Variants in SMAP2 observed in about 807,000 individuals in gnomAD.
SMAP2 encodes the protein small ArfGAP2.
SMAP2 carries 25 observed loss-of-function variants against 56.4 expected under a neutral mutation model. The ratio of observed to expected loss-of-function variants is 0.44; its 90% confidence interval spans 0.32 to 0.62. The LOEUF (loss-of-function observed/expected upper bound fraction) is 0.62. Among genes scored for constraint, SMAP2 ranks in the 20% least tolerant of loss-of-function variants. The probability of loss-of-function intolerance (pLI) is 0.04; values close to 1 mark genes in which losing one functional copy is unlikely to be tolerated. For synonymous variants in SMAP2, 157 were observed against 181.7 expected (o/e 0.86, Z 1.09); for missense variants, 388 against 545.6 (o/e 0.71, Z 2.88).
At chr1:40,404,165 T>C (rs914911252) in intron 1 of SMAP2, among the ~76,000 whole-genome samples, 19 of 152,208 alleles carry the variant, frequency 1.2e-4, no homozygotes, top group African/African-American at 4.6e-4. Context: ...ATAAGTAACA[T>C]TTGTCTCTTT....
chr1:40,382,205 C>T (rs1215529754), intron 1 of SMAP2, among the ~76,000 whole-genome samples: 1 of 152,126 alleles, frequency 6.6e-6, no homozygotes, highest in African/African-American at 2.4e-5. Context: ...AACTGTTCAT[C>T]ACATGAGTCA....
Position 40,408,657 on chromosome 1 carries a change from T to C in SMAP2, c.242T>C (p.Met81Thr). Reference protein sequence around the residue: ...DQWTQEQIQCMQEMGNGKANR... With the variant: ...DQWTQEQIQCTQEMGNGKANR... Reference sequence around the variant, plus strand: ...CTACATTCTCTTTGGTCACAGTGCATGCAAGAGATGGGAAATGGAAAGGCA... The same window carrying C: ...CTACATTCTCTTTGGTCACAGTGCACGCAAGAGATGGGAAATGGAAAGGCA... The change falls in exon 3 of 10, where the codon ATG (methionine) becomes ACG (threonine). Residue 81 changes from methionine (M) to threonine (T), a missense_variant. Met to Thr is a moderately conservative substitution (Grantham distance 81). Transcript: ENST00000372718. The surrounding 1 kb of genome is among the most constrained non-coding windows in gnomAD (Gnocchi z 4.3). 1 of 1,613,572 alleles carries C rather than the reference T, an allele frequency of 6.2e-7. No homozygotes were observed. Among genetic ancestry groups the C allele is most frequent in the Non-Finnish European group, 8.5e-7 (1 of 1,179,492 alleles).
chr1:40,410,101 G>C (rs983415421), intron 4 of SMAP2, among the ~76,000 whole-genome samples: 1 of 151,868 alleles, frequency 6.6e-6, no homozygotes, highest in African/African-American at 2.4e-5. Flanking sequence ...AAATTAGCCA[G>C]GCATGGTGGT....
At chr1:40,370,856 TAA>T (rs57519270), upstream of SMAP2, among the ~76,000 whole-genome samples, 59,931 of 132,286 alleles carry the variant, frequency 0.45, 12,811 homozygotes, top group African/African-American at 0.54. Context: ...TAAAGTATAA[TAA>T]AAAAAAAAAA....
intron 1 of SMAP2, among the ~76,000 whole-genome samples, chr1:40,350,343 C>A (rs1217155962): frequency 1.3e-5 from 2 of 152,164 alleles, no homozygotes; most frequent in Non-Finnish European, 2.9e-5. Context: ...ATCAGACCCA[C>A]CAGATCTTGT....
chr1:40,413,024 A>G lies in SMAP2; in HGVS notation c.411A>G (p.Lys137=). Residue 137 remains lysine, a synonymous_variant, in exon 5 of 10, where the codon AAA becomes AAG. Coordinates refer to ENST00000372718, the MANE Select transcript of SMAP2 (RefSeq NM_022733.3). ...SLDINAFRKE[K]DDKWKRGSEP... ...TTGTTAAATCATTATAGAAAGAAAAAGATGACAAGTGGAAAAGAGGGAGCG... is the reference window on the plus strand; with the variant it reads ...TTGTTAAATCATTATAGAAAGAAAAGGATGACAAGTGGAAAAGAGGGAGCG... 1 of 1,609,276 alleles carries G rather than the reference A, an allele frequency of 6.2e-7. No individual in the cohort carries two copies. The highest frequency in any genetic ancestry group is 8.5e-7 in the Non-Finnish European group (1 of 1,178,048).
chr1:40,409,688 A>T, intron 3 of SMAP2, 69 bp from the exon 4 acceptor site: 1 of 1,090,344 alleles, frequency 9.2e-7, no homozygotes, highest in Non-Finnish European at 1.4e-6. Flanking sequence ...TCCGTGGAAC[A>T]CAATTGATCT....
intron 1 of SMAP2, among the ~76,000 whole-genome samples, chr1:40,397,057 C>A (rs114884194): frequency 2.5e-3 from 387 of 152,260 alleles, no homozygotes; most frequent in African/African-American, 8.5e-3. Context: ...TTGCATTTAA[C>A]CAGTTTTCAG....
At chr1:40,392,893 A>T (rs2124280455) in intron 1 of SMAP2, among the ~76,000 whole-genome samples, 1 of 152,110 alleles carries the variant, frequency 6.6e-6, no homozygotes, top group South Asian at 2.1e-4. Context: ...AGGTCAGGAG[A>T]TCGAGACCAT....
At chr1:40,380,471 ATTCC>A (rs2124225178) in intron 1 of SMAP2, among the ~76,000 whole-genome samples, 1 of 150,966 alleles carries the variant, frequency 6.6e-6, no homozygotes, top group Admixed American at 6.6e-5. Context: ...CTTGTTAAAT[ATTCC>A]TTAGAAATGA....
chr1:40,354,766 A>ATTTTT, intron 1 of SMAP2, among the ~76,000 whole-genome samples: 5 of 58,264 alleles, frequency 8.6e-5, no homozygotes, highest in Non-Finnish European at 1.7e-4. Context: ...CAAAACATTG[A>ATTTTT]ATTTTTTTTT....
At position 40,374,105 on chromosome 1, in the gene SMAP2, C is replaced by T. The variant is rs773155888; in HGVS notation, c.-16C>T. 2.5e-6 allele frequency: 4 copies of T among 1,604,010 alleles called. No homozygotes were observed. The South Asian group carries it at 3.3e-5, about 13-fold the overall frequency. ...AGGAGGGCGCGTCGCCCTCTGCCCC[C>T]GCCGGCACCCTGGCCATGACAGGCA... On this transcript the variant is annotated 5_prime_UTR_variant, in exon 1 of 10. Coordinates refer to ENST00000372718, the MANE Select transcript of SMAP2 (RefSeq NM_022733.3). The surrounding 1 kb of genome is among the most constrained non-coding windows in gnomAD (Gnocchi z 5.9).
intron 1 of SMAP2, among the ~76,000 whole-genome samples, chr1:40,353,800 A>G (rs1473365767): frequency 6.6e-5 from 10 of 151,608 alleles, no homozygotes; most frequent in Non-Finnish European, 5.9e-5. Flanking sequence ...TATGTTGGCC[A>G]GGGTGGTCTT....
chr1:40,387,752 C>T (rs914488029), intron 1 of SMAP2, among the ~76,000 whole-genome samples: 8 of 152,154 alleles, frequency 5.3e-5, no homozygotes, highest in Non-Finnish European at 4.4e-5. Context: ...CCACTCTGGC[C>T]GCACTTGAGG....
At chr1:40,361,263 G>A (rs1225174878) in intron 1 of SMAP2, among the ~76,000 whole-genome samples, 1 of 152,114 alleles carries the variant, frequency 6.6e-6, no homozygotes, top group East Asian at 1.9e-4. Context: ...CCACTGCCTT[G>A]AAGGGAAGAA....
chr1:40,356,885 T>A (rs1231594004), intron 1 of SMAP2, among the ~76,000 whole-genome samples: 1 of 152,246 alleles, frequency 6.6e-6, no homozygotes, highest in Non-Finnish European at 1.5e-5. Context: ...TATCTCATTT[T>A]AGTTTTGATT....
intron 1 of SMAP2, among the ~76,000 whole-genome samples, chr1:40,387,022 T>C (rs1158081174): frequency 2.6e-5 from 4 of 152,090 alleles, no homozygotes; most frequent in Non-Finnish European, 5.9e-5. Flanking sequence ...CCAGCTAATT[T>C]TTGTATTTTT....
intron 9 of SMAP2, among the ~76,000 whole-genome samples, chr1:40,418,326 G>A (rs938800997): frequency 2.0e-5 from 3 of 152,108 alleles, no homozygotes; most frequent in Non-Finnish European, 4.4e-5. Flanking sequence ...GGAAAGGCAT[G>A]AAACAGCTAA....
At position 40,422,176 on chromosome 1, in the gene SMAP2, C is replaced by A; in HGVS notation, c.*75C>A. On this transcript the variant is annotated 3_prime_UTR_variant, in exon 10 of 10. Transcript: ENST00000372718. ...TTTCCACAGCCTCCACCCCTGACCCCCATCCTCTTTTCCTACCTCTCTGTT... is the reference window on the plus strand; with the variant it reads ...TTTCCACAGCCTCCACCCCTGACCCACATCCTCTTTTCCTACCTCTCTGTT... The A allele has an allele frequency of 6.3e-7, 1 of 1,575,060 alleles. No individual in the cohort carries two copies. The highest frequency in any genetic ancestry group is 8.6e-7 in the Non-Finnish European group (1 of 1,160,082).
Sources: allele counts gnomAD v4.1 joint callset (sites outside exome capture counted in the v4.1 genomes callset), GRCh38; gene constraint gnomAD v4.1.1; non-coding constraint Gnocchi (gnomAD v3.1); transcripts MANE v1.5; gene names NCBI Gene and HGNC (gene_info 2026-07-23, HGNC 2026-07-21).